The following KRTCAP2 variants were observed in gnomAD, a reference collection of about 807,000 sequenced individuals.
The protein encoded by KRTCAP2 is keratinocyte associated protein 2, also known as dolichyl-diphosphooligosaccharide--protein glycosyltransferase subunit KCP2.
Under a neutral mutation model 16.5 loss-of-function variants are expected in KRTCAP2, and 10 were observed. The observed-to-expected ratio is 0.60, with a 90% confidence interval of 0.37 to 1.02. The LOEUF (loss-of-function observed/expected upper bound fraction) is 1.02. KRTCAP2 is among the 50% of genes least tolerant of loss of function. KRTCAP2 has a pLI of 0.01. For synonymous variants in KRTCAP2, 68 were observed against 69.8 expected (o/e 0.97, Z 0.13); for missense variants, 152 against 159.6 (o/e 0.95, Z 0.26).
rs1000687791 is a variant in KRTCAP2, at chr1:155,173,146, G to A, written c.4+75C>T. On this transcript the variant is annotated intron_variant, in intron 1 of 4. Coordinates refer to ENST00000295682, the MANE Select transcript of KRTCAP2 (RefSeq NM_173852.4). ...CCAGGACACGTCAGCTCTGTCGGGA[G>A]AGGACGAGGAAAGCTTGTCCACCCA... The A allele has an allele frequency of 2.2e-5, 28 of 1,302,080 alleles. No individual in the cohort carries two copies. In the Admixed American group the frequency reaches 3.8e-4, roughly 18 times the overall value. The allele number at this position is 1,302,080 out of a possible 1,614,324, so 80.7% of individuals were successfully genotyped here.
rs1308037067 is a variant in KRTCAP2, at chr1:155,172,884, T to C, written c.13A>G (p.Thr5Ala). ...GAGGAGAGCGCCAGCGAGGTGCCCG[T>C]ACCCACCACTGGAGGGGATGGGAGA... MVVG[T>A]GTSLALSSLL... The change falls in exon 2 of 5, where the codon ACG (threonine) becomes GCG (alanine). Residue 5 changes from threonine to alanine, a missense_variant. Physicochemically the swap from Thr to Ala is moderately conservative, Grantham distance 58 (BLOSUM62 0). Transcript: ENST00000295682. 1.2e-6 allele frequency: 2 copies of C among 1,613,926 alleles called. No individual in the cohort carries two copies. Among genetic ancestry groups the C allele is most frequent in the East Asian group, 2.2e-5 (1 of 44,878 alleles).
In KRTCAP2 at chr1:155,172,575, G is replaced by A; in HGVS notation, c.213C>T (p.Ile71=). The change falls in exon 3 of 5, where the codon ATC becomes ATT. Residue 71 remains isoleucine (I), a synonymous_variant. Transcript: ENST00000295682. ...CCAATATTCACTTACTCTCAGGGAA[G>A]ATCTTTGCTTGGAATCCTTTGCCAA... The part of the protein sequence containing the change: ...LVFGKGFQAK[I]FPEILLCLLL... 6.2e-7 allele frequency: 1 copy of A among 1,614,268 alleles called. No homozygotes were observed. The highest frequency in any genetic ancestry group is 1.3e-5 in the African/African-American group (1 of 75,070).
rs72022920 is a variant in KRTCAP2 at position 155,171,808 on chromosome 1, CCT to C, written c.223+755_223+756del. 5.2e-3 allele frequency: 4,340 copies of C among 838,970 alleles called. 164 individuals are homozygous for C. The African/African-American group carries it at 0.076, about 15-fold the overall frequency. The allele number at this position is 838,970 out of a possible 1,614,324, so 52.0% of individuals were successfully genotyped here. A position where few individuals can be genotyped will look rare whatever the true frequency, so the allele number is the denominator to read the frequency against. ...AGGTCAAGGCTTCAGTGATCACATC[CCT>C]GCACTCCAGCCTAGGCGACAGAGTA... On this transcript the variant is annotated intron_variant, in intron 3 of 4. Transcript: ENST00000295682.
intron 4 of KRTCAP2, 39 bp downstream of exon 4, chr1:155,169,752 C>T (rs1208745684): frequency 5.8e-6 from 9 of 1,544,438 alleles, no homozygotes; most frequent in Non-Finnish European, 5.3e-6. Flanking sequence ...TGCCAAAAAA[C>T]GGAATGCTAC....
intron 3 of KRTCAP2, chr1:155,171,865 A>G (rs1402162133): frequency 1.0e-6 from 1 of 980,292 alleles, no homozygotes; most frequent in Non-Finnish European, 1.2e-6. Context: ...AAAAAAAAAA[A>G]AAAAGAGAAA....
chr1:155,171,623 T>C, intron 3 of KRTCAP2: 1 of 960,466 alleles, frequency 1.0e-6, no homozygotes, highest in Non-Finnish European at 1.2e-6. Flanking sequence ...TCTGGGAGGC[T>C]GAAATAGGAG....
At chr1:155,170,141 T>G in intron 3 of KRTCAP2, 1 of 257,986 alleles carries the variant, frequency 3.9e-6, no homozygotes. Context: ...AACAACAAAG[T>G]GAGACCCATC....
At chr1:155,170,473 C>G (rs1317908180) in intron 3 of KRTCAP2, 1 of 152,044 alleles carries the variant, frequency 6.6e-6, no homozygotes, top group African/African-American at 2.4e-5. Flanking sequence ...TGATGGACAA[C>G]AGAGTCTGAA....
chr1:155,169,591 C>G (rs1665177549), intron 4 of KRTCAP2, 31 bp from the exon 5 acceptor site: 1 of 1,609,176 alleles, frequency 6.2e-7, no homozygotes, highest in Non-Finnish European at 8.5e-7. Context: ...GGTCATGGCA[C>G]CAGTGGGCAT....
chr1:155,171,246 C>T (rs1665228669), intron 3 of KRTCAP2: 1 of 156,182 alleles, frequency 6.4e-6, no homozygotes, highest in South Asian at 2.0e-4. Flanking sequence ...TGGTGAAATC[C>T]TATCTCTACC....
Position 155,172,855 on chromosome 1 carries a change from G to A in KRTCAP2, c.42C>T (p.Leu14=), listed in dbSNP as rs1665309439. The A allele has an allele frequency of 6.2e-7, 1 of 1,614,106 alleles. No homozygotes were observed. The highest frequency in any genetic ancestry group is 2.2e-5 in the East Asian group (1 of 44,894). ...TCCCAGCAAAGAGCAGCAGGGACAGGAGGGAGGAGAGCGCCAGCGAGGTGC... is the reference window on the plus strand; with the variant it reads ...TCCCAGCAAAGAGCAGCAGGGACAGAAGGGAGGAGAGCGCCAGCGAGGTGC... ...GTGTSLALSS[L]LSLLLFAGMQ... is the part of the protein sequence containing the mutation. Residue 14 remains leucine, a synonymous_variant, in exon 2 of 5, where the codon CTC becomes CTT. Transcript: ENST00000295682.
chr1:155,169,485 G>C lies in KRTCAP2; in HGVS notation c.366C>G (p.Val122=), dbSNP rs754757064. ...TGCCTGTGACCTTGGCTGGTGTGAGGACTGGAGCTGCTGCCTGGTACAGGG... is the reference window on the plus strand; with the variant it reads ...TGCCTGTGACCTTGGCTGGTGTGAGCACTGGAGCTGCTGCCTGGTACAGGG... ...SSTLYQAAAP[V]LTPAKVTGKS... The change falls in exon 5 of 5, where the codon GTC becomes GTG. Residue 122 remains valine, a synonymous_variant. Transcript: ENST00000295682. 2 of 1,614,068 alleles carry C rather than the reference G, an allele frequency of 1.2e-6. No individual in the cohort carries two copies. Among genetic ancestry groups the C allele is most frequent in the Non-Finnish European group, 1.7e-6 (2 of 1,179,950 alleles).
intron 1 of KRTCAP2, 147 bp from the exon 2 acceptor site, chr1:155,173,039 C>T: frequency 1.0e-6 from 1 of 990,084 alleles, no homozygotes; most frequent in Non-Finnish European, 1.5e-6. Flanking sequence ...CTCCCCACAC[C>T]GCGCGGCAAC....
At chr1:155,171,993 TA>T (rs1191041865) in intron 3 of KRTCAP2, 1 of 988,358 alleles carries the variant, frequency 1.0e-6, no homozygotes, top group Non-Finnish European at 1.2e-6. Context: ...CCTTGACACT[TA>T]ATTTGCTTTA....
At chr1:155,173,056 G>A in intron 1 of KRTCAP2, 164 bp from the exon 2 acceptor site, 4 of 950,800 alleles carry the variant, frequency 4.2e-6, no homozygotes, top group Non-Finnish European at 6.4e-6. Flanking sequence ...CAACCCCTAC[G>A]TATTCCCCAG....
intron 1 of KRTCAP2, 47 bp from the exon 2 acceptor site, chr1:155,172,939 T>C (rs754539117): frequency 6.3e-7 from 1 of 1,598,234 alleles, no homozygotes; most frequent in Non-Finnish European, 8.5e-7. Context: ...CCGCCCTCCC[T>C]CCGGCAAGCT....
chr1:155,172,698 T>G (rs1232395675), intron 2 of KRTCAP2, 40 bp downstream of exon 2: 2 of 1,614,112 alleles, frequency 1.2e-6, no homozygotes, highest in Non-Finnish European at 1.7e-6. Context: ...GAAGGGCACA[T>G]GCCTACGTGG....
chr1:155,172,363 C>T, intron 3 of KRTCAP2: 1 of 1,421,472 alleles, frequency 7.0e-7, no homozygotes, highest in Non-Finnish European at 9.2e-7. Flanking sequence ...AAGTTTCTTG[C>T]TTTCAAAGGC....
In KRTCAP2 at chr1:155,171,868, A is replaced by AAAAG. The variant is rs1553193401; in HGVS notation, c.223+696_223+697insCTTT. The AAAAG allele has an allele frequency of 5.1e-5, 50 of 973,650 alleles. No individual in the cohort carries two copies. In the African/African-American group the frequency reaches 7.9e-4, roughly 15 times the overall value. 60.3% of individuals were successfully genotyped at this position (973,650 alleles called of 1,614,324 possible). On this transcript the variant is annotated intron_variant, in intron 3 of 4. Transcript: ENST00000295682. ...GTCTCAAAAAAAAAAAAAAAAAAAA[A>AAAAG]AGAGAAAAGATTAAGGGCAACCATG... is the stretch of plus-strand genomic sequence containing the variant.
Sources: gnomAD v4.1 joint callset for allele counts on GRCh38, gnomAD v4.1.1 for gene constraint, MANE v1.5 for transcripts, NCBI Gene and HGNC (gene_info 2026-07-23, HGNC 2026-07-21) for gene names.